NNT: variants seen among roughly 807,000 people sequenced by gnomAD.
NNT encodes nicotinamide nucleotide transhydrogenase, also known as NAD(P) transhydrogenase, mitochondrial.
In NNT, 50 loss-of-function variants were observed where a neutral mutation model predicts 104.8. The observed-to-expected ratio is 0.48, with a 90% CI of 0.38 to 0.60. The LOEUF is 0.60. Among genes scored for constraint, NNT ranks in the 20% least tolerant of loss-of-function variants. The pLI, the probability that NNT is intolerant of heterozygous loss-of-function variation, is 0.00. For missense variants in NNT, 1,131 were observed against 1,330.7 expected, an observed-to-expected ratio of 0.85 and a Z score of 2.33; for synonymous variants, 461 against 490.4, an observed-to-expected ratio of 0.94 and a Z score of 0.79.
intron 19 of NNT, among the ~76,000 whole-genome samples, chr5:43,687,432 C>T (rs1039770098): frequency 3.9e-5 from 6 of 152,094 alleles, no homozygotes; most frequent in African/African-American, 1.4e-4. Flanking sequence ...GCCATCAGTT[C>T]CGGGAAATTG....
At chr5:43,683,175 G>A (rs907910722) in intron 19 of NNT, among the ~76,000 whole-genome samples, 16 of 152,212 alleles carry the variant, frequency 1.1e-4, no homozygotes. Context: ...GGTTATTCGT[G>A]TAACTGGTCA....
chr5:43,648,299 G>T (rs575976382), intron 10 of NNT: 32 of 968,318 alleles, frequency 3.3e-5, no homozygotes, highest in Non-Finnish European at 3.7e-5. Flanking sequence ...CAAGGAAAAA[G>T]GTACCTTATT....
chr5:43,608,107 T>G (rs766630916), intron 1 of NNT, among the ~76,000 whole-genome samples: 2 of 152,096 alleles, frequency 1.3e-5, no homozygotes, highest in Non-Finnish European at 2.9e-5. Flanking sequence ...ATTTTTATAT[T>G]TTTAGTAGAA....
At chr5:43,659,618 A>G in intron 17 of NNT, among the ~76,000 whole-genome samples, 1 of 152,006 alleles carries the variant, frequency 6.6e-6, no homozygotes, top group Admixed American at 6.6e-5. Context: ...AATCCCAGCT[A>G]CTTGGTAGGC....
chr5:43,646,844 T>C lies in NNT; in HGVS notation c.1444+1334T>C, dbSNP rs148914703. 2.6e-4 allele frequency among the ~76,000 whole-genome samples: 39 copies of C among 152,334 alleles called. No individual in the cohort carries two copies. The East Asian group carries it at 6.9e-3, about 27-fold the overall frequency. On this transcript the variant is annotated intron_variant, in intron 10 of 21. Coordinates refer to ENST00000344920, the MANE Select transcript of NNT (RefSeq NM_182977.3). ...AATTCAACATTTTCATTTAGATCTCTTTCTTTGTAATTTAACATAAATTCT... is the reference window on the plus strand; with the variant it reads ...AATTCAACATTTTCATTTAGATCTCCTTCTTTGTAATTTAACATAAATTCT...
chr5:43,650,421 T>A (rs1739694257), intron 11 of NNT, 56 bp from the exon 12 acceptor site: 3 of 1,231,590 alleles, frequency 2.4e-6, no homozygotes, highest in Non-Finnish European at 3.6e-6. Context: ...TCAGCTATGA[T>A]ATTTGATTTG....
chr5:43,622,090 A>G (rs1216097182), intron 5 of NNT, among the ~76,000 whole-genome samples: 3 of 152,172 alleles, frequency 2.0e-5, no homozygotes, highest in African/African-American at 4.8e-5. Flanking sequence ...GGGGGAATGG[A>G]TAGTAGGGTG....
intron 13 of NNT, 51 bp downstream of exon 13, chr5:43,651,935 A>G (rs766332090): frequency 1.9e-6 from 3 of 1,566,158 alleles, no homozygotes; most frequent in South Asian, 2.3e-5. Context: ...TTTCTTCTCT[A>G]TTAGATTTAA....
intron 19 of NNT, among the ~76,000 whole-genome samples, chr5:43,687,731 T>A (rs1742058372): frequency 6.6e-6 from 1 of 152,200 alleles, no homozygotes; most frequent in African/African-American, 2.4e-5. Context: ...AGGCATAACA[T>A]GATGGTTATG....
chr5:43,611,860 A>T (rs997079137), intron 2 of NNT, among the ~76,000 whole-genome samples: 13 of 152,234 alleles, frequency 8.5e-5, no homozygotes, highest in African/African-American at 3.1e-4. Flanking sequence ...GGAGAAACTG[A>T]TGTCCTGTAG....
At chr5:43,672,596 C>T (rs997757950) in intron 17 of NNT, among the ~76,000 whole-genome samples, 8 of 151,466 alleles carry the variant, frequency 5.3e-5, no homozygotes, top group Non-Finnish European at 5.9e-5. Flanking sequence ...GCTGCAGAAC[C>T]GCGAATATTG....
chr5:43,636,918 C>CT (rs1165899284), intron 7 of NNT, among the ~76,000 whole-genome samples: 1 of 152,034 alleles, frequency 6.6e-6, no homozygotes, highest in African/African-American at 2.4e-5. Flanking sequence ...TTAAATAGAT[C>CT]TTTAGGAATT....
In NNT at chr5:43,649,295, A is replaced by C; in HGVS notation, c.1593A>C (p.Thr531=). ...TCCACTCACCACTGATGTCTGTGACAAATGCAATCTCAGGTTTGTTCCTCT... is the reference window on the plus strand; with the variant it reads ...TCCACTCACCACTGATGTCTGTGACCAATGCAATCTCAGGTTTGTTCCTCT... ...PALHSPLMSV[T]NAISGLTAVG... Residue 531 remains threonine (T), a synonymous_variant, in exon 11 of 22, where the codon ACA becomes ACC. Coordinates refer to ENST00000344920, the MANE Select transcript of NNT (RefSeq NM_182977.3). 6.2e-7 allele frequency: 1 copy of C among 1,614,178 alleles called. No homozygotes were observed. The highest frequency in any genetic ancestry group is 8.5e-7 in the Non-Finnish European group (1 of 1,180,008).
At chr5:43,610,912 A>G (rs1160467115) in intron 2 of NNT, among the ~76,000 whole-genome samples, 1 of 152,146 alleles carries the variant, frequency 6.6e-6, no homozygotes, top group Non-Finnish European at 1.5e-5. Context: ...GTTCTTCACT[A>G]TTTCCTAATT....
intron 10 of NNT, 173 bp downstream of exon 10, chr5:43,645,683 C>CTCTCTCTCTCTCTATATA (rs1386181675): frequency 6.6e-5 from 3 of 45,744 alleles, no homozygotes; most frequent in African/African-American, 8.6e-5. Context: ...CTCTCTCTCT[C>CTCTCTCTCTCTCTATATA]TATATATATA....
chr5:43,655,382 CA>C (rs1739988354), intron 14 of NNT, among the ~76,000 whole-genome samples: 1 of 152,062 alleles, frequency 6.6e-6, no homozygotes, highest in East Asian at 1.9e-4. Context: ...CAAAATGCTC[CA>C]AAATCCAAAA....
At chr5:43,618,513 C>T (rs1749902222) in intron 4 of NNT, among the ~76,000 whole-genome samples, 3 of 152,100 alleles carry the variant, frequency 2.0e-5, no homozygotes, top group East Asian at 1.9e-4. Context: ...AGGATTTTCC[C>T]CCCATTACCT....
chr5:43,647,972 C>T (rs767653125), intron 10 of NNT: 1 of 538,234 alleles, frequency 1.9e-6, no homozygotes, highest in South Asian at 1.5e-5. Flanking sequence ...CACTGAAGCA[C>T]AGAGAGGTTA....
chr5:43,670,379 G>A lies in NNT; in HGVS notation c.2635-5132G>A, dbSNP rs1364898380. Among the ~76,000 whole-genome samples, 3 of 152,256 alleles carry A rather than the reference G, an allele frequency of 2.0e-5. No homozygotes were observed. In the East Asian group the frequency reaches 5.8e-4, roughly 29 times the overall value. On this transcript the variant is annotated intron_variant, in intron 17 of 21. Transcript: ENST00000344920. ...GTTCTTTTAATTGTGATGTTAGGGT[G>A]TCAATTTTAGATCTTTTCTGCTTTC...
Sources: allele counts gnomAD v4.1 joint callset (sites outside exome capture counted in the v4.1 genomes callset), GRCh38; gene constraint gnomAD v4.1.1; transcripts MANE v1.5; gene names NCBI Gene and HGNC (gene_info 2026-07-23, HGNC 2026-07-21).